HS6ST3: variants seen among roughly 807,000 people sequenced by gnomAD.
HS6ST3 encodes heparan-sulfate 6-O-sulfotransferase 3.
A neutral mutation model predicts 36.7 loss-of-function variants in HS6ST3; 12 were observed. That is an observed-to-expected ratio of 0.33 (90% CI 0.21 to 0.53). HS6ST3 has a LOEUF of 0.53. Ranked by LOEUF, HS6ST3 falls within the 20% of genes least tolerant of loss-of-function variation. HS6ST3 has a pLI of 0.95. For missense variants in HS6ST3, 584 were observed against 640.9 expected, an observed-to-expected ratio of 0.91 and a Z score of 0.96; for synonymous variants, 240 against 257.5, an observed-to-expected ratio of 0.93 and a Z score of 0.65.
intron 1 of HS6ST3, among the ~76,000 whole-genome samples, chr13:96,433,654 G>A (rs2055627181): frequency 6.6e-6 from 1 of 152,122 alleles, no homozygotes; most frequent in Non-Finnish European, 1.5e-5. Context: ...CTCTTTCCTG[G>A]CTGGGTGCGG....
chr13:96,583,825 T>C (rs947687103), intron 1 of HS6ST3, among the ~76,000 whole-genome samples: 1 of 152,174 alleles, frequency 6.6e-6, no homozygotes, highest in African/African-American at 2.4e-5. Context: ...TATCTAAAGA[T>C]GAGTTTCTCA....
At chr13:96,756,247 T>C (rs1876829178) in intron 1 of HS6ST3, among the ~76,000 whole-genome samples, 1 of 152,242 alleles carries the variant, frequency 6.6e-6, no homozygotes, top group Admixed American at 6.5e-5. Context: ...GTTGTTTATA[T>C]ATTCTGCATA....
intron 1 of HS6ST3, among the ~76,000 whole-genome samples, chr13:96,824,400 C>T (rs935980339): frequency 3.9e-5 from 6 of 152,206 alleles, no homozygotes; most frequent in African/African-American, 1.4e-4. Flanking sequence ...TATGATACTT[C>T]GCAATTCTAG....
intron 1 of HS6ST3, among the ~76,000 whole-genome samples, chr13:96,094,472 T>C (rs1246302051): frequency 6.6e-6 from 1 of 152,214 alleles, no homozygotes; most frequent in Non-Finnish European, 1.5e-5. Context: ...TTAAGCATCC[T>C]AGGTTGCAAA....
At chr13:96,318,540 C>CAAAA (rs754721539) in intron 1 of HS6ST3, among the ~76,000 whole-genome samples, 2 of 39,874 alleles carry the variant, frequency 5.0e-5, no homozygotes, top group African/African-American at 3.8e-4. Flanking sequence ...CTCAAAAAAA[C>CAAAA]AAAACAAAAC....
chr13:96,635,098 C>A (rs183009151), intron 1 of HS6ST3, among the ~76,000 whole-genome samples: 1 of 152,282 alleles, frequency 6.6e-6, no homozygotes, highest in African/African-American at 2.4e-5. Context: ...GGTCTTTCAT[C>A]AAGATTATTA....
intron 1 of HS6ST3, among the ~76,000 whole-genome samples, chr13:96,494,691 G>A (rs146817807): frequency 6.6e-6 from 1 of 151,582 alleles, no homozygotes; most frequent in South Asian, 2.1e-4. Flanking sequence ...ACACACACAC[G>A]AGGTAAGAGA....
chr13:96,689,520 A>G (rs985248019), intron 1 of HS6ST3, among the ~76,000 whole-genome samples: 1 of 151,896 alleles, frequency 6.6e-6, no homozygotes, highest in Admixed American at 6.6e-5. Flanking sequence ...GCTTATGCTT[A>G]ATAAGAGGGT....
chr13:96,737,779 C>A (rs1451916055), intron 1 of HS6ST3, among the ~76,000 whole-genome samples: 4 of 151,828 alleles, frequency 2.6e-5, no homozygotes, highest in African/African-American at 9.7e-5. Context: ...ATAAAGCTAT[C>A]ATCTCTAGGT....
chr13:96,338,465 A>C (rs1486149442), intron 1 of HS6ST3, among the ~76,000 whole-genome samples: 1 of 152,146 alleles, frequency 6.6e-6, no homozygotes, highest in Non-Finnish European at 1.5e-5. Context: ...CTCCAAGGTA[A>C]TCTTGCCATT....
At chr13:96,242,610 T>C (rs540282490) in intron 1 of HS6ST3, among the ~76,000 whole-genome samples, 1 of 151,414 alleles carries the variant, frequency 6.6e-6, no homozygotes, top group Non-Finnish European at 1.5e-5. Flanking sequence ...ATCTTCCAGG[T>C]TGATCCATGG....
chr13:96,728,016 G>A (rs1489028145), intron 1 of HS6ST3, among the ~76,000 whole-genome samples: 1 of 152,122 alleles, frequency 6.6e-6, no homozygotes, highest in African/African-American at 2.4e-5. Context: ...TAGGCTGATT[G>A]TAATTCTCTC....
intron 1 of HS6ST3, among the ~76,000 whole-genome samples, chr13:96,630,671 TG>T (rs2056529017): frequency 3.9e-5 from 6 of 152,176 alleles, no homozygotes; most frequent in Admixed American, 3.9e-4. Flanking sequence ...TCACAGGATT[TG>T]GCTAATATTC....
intron 1 of HS6ST3, among the ~76,000 whole-genome samples, chr13:96,730,389 A>T (rs1433903713): frequency 6.6e-6 from 1 of 152,074 alleles, no homozygotes; most frequent in Non-Finnish European, 1.5e-5. Flanking sequence ...AATCTCATAG[A>T]GTGCCTTGCA....
intron 1 of HS6ST3, among the ~76,000 whole-genome samples, chr13:96,552,231 C>T (rs1480979798): frequency 1.3e-5 from 2 of 152,186 alleles, no homozygotes; most frequent in Non-Finnish European, 2.9e-5. Context: ...TGTCCTTCCT[C>T]TTAAACACGT....
At chr13:96,181,575 T>C (rs1462805140) in intron 1 of HS6ST3, among the ~76,000 whole-genome samples, 2 of 152,144 alleles carry the variant, frequency 1.3e-5, no homozygotes, top group African/African-American at 4.8e-5. Flanking sequence ...TTGCAGATGG[T>C]CTGCTTTTCA....
chr13:96,353,123 G>A (rs4771936), intron 1 of HS6ST3, among the ~76,000 whole-genome samples: 57,223 of 144,576 alleles, frequency 0.4, 11,599 homozygotes, highest in African/African-American at 0.51. Flanking sequence ...GTGTGATCTC[G>A]GCTCACTGCA....
At position 96,458,818 on chromosome 13, in the gene HS6ST3, A is replaced by G. The variant is rs1450375825; in HGVS notation, c.707+367249A>G. Reference sequence around the variant, plus strand: ...AAGAGGTTTGTAAGAAAGAGGTGATATGGTTGGGTGTGGTGGCTCACGCCT... The same window carrying G: ...AAGAGGTTTGTAAGAAAGAGGTGATGTGGTTGGGTGTGGTGGCTCACGCCT... On this transcript the variant is annotated intron_variant, in intron 1 of 1. Transcript: ENST00000376705. Among the ~76,000 whole-genome samples, 3 of 151,962 alleles carry G rather than the reference A, an allele frequency of 2.0e-5. No homozygotes were observed. The East Asian group carries it at 5.8e-4, about 29-fold the overall frequency.
intron 1 of HS6ST3, among the ~76,000 whole-genome samples, chr13:96,642,941 A>C (rs1380177000): frequency 6.6e-6 from 1 of 151,798 alleles, no homozygotes; most frequent in East Asian, 1.9e-4. Context: ...CCCTGTGTTT[A>C]GGCTCTCCTT....
Sources: allele counts gnomAD v4.1 joint callset (sites outside exome capture counted in the v4.1 genomes callset), GRCh38; gene constraint gnomAD v4.1.1; transcripts MANE v1.5; gene names NCBI Gene and HGNC (gene_info 2026-07-23, HGNC 2026-07-21).